Variants in KAZN observed in about 807,000 individuals in gnomAD.
KAZN encodes kazrin, periplakin interacting protein, also known as kazrin.
Under a neutral mutation model 87.4 loss-of-function variants are expected in KAZN, and 40 were observed. That is an observed-to-expected ratio of 0.46 (90% CI 0.36 to 0.60). The LOEUF is 0.60. Among genes scored for constraint, KAZN ranks in the 20% least tolerant of loss-of-function variants. The pLI, the probability that KAZN is intolerant of heterozygous loss-of-function variation, is 0.00. For synonymous variants in KAZN, 466 were observed against 458.3 expected (o/e 1.02, Z -0.22); for missense variants, 898 against 1,073.9 (o/e 0.84, Z 2.29).
At chr1:14,919,084 A>C (rs1658213919) in intron 1 of KAZN, among the ~76,000 whole-genome samples, 1 of 152,196 alleles carries the variant, frequency 6.6e-6, no homozygotes, top group African/African-American at 2.4e-5. Context: ...GAGCAAGTCA[A>C]CTGCAGTGGG....
intron 1 of KAZN, among the ~76,000 whole-genome samples, chr1:14,167,748 G>A (rs1645863735): frequency 7.0e-6 from 1 of 143,068 alleles, no homozygotes; most frequent in Non-Finnish European, 1.5e-5. Context: ...AACAAACAAG[G>A]AAGCACCTGA....
intron 1 of KAZN, among the ~76,000 whole-genome samples, chr1:14,123,140 C>T (rs952964642): frequency 3.9e-5 from 6 of 152,234 alleles, no homozygotes; most frequent in Non-Finnish European, 8.8e-5. Flanking sequence ...AGAGTCTCTT[C>T]CTGCTGGGAC....
intron 2 of KAZN, among the ~76,000 whole-genome samples, chr1:14,407,284 T>C (rs558842067): frequency 3.0e-4 from 46 of 152,312 alleles, no homozygotes; most frequent in African/African-American, 4.8e-4. Flanking sequence ...GGTCATAGGA[T>C]AGACAAGTAT....
chr1:14,629,320 T>C (rs546128676), intron 1 of KAZN, among the ~76,000 whole-genome samples: 106 of 152,344 alleles, frequency 7.0e-4, no homozygotes, highest in African/African-American at 2.5e-3. Context: ...TTTGTGAACA[T>C]CAGTTTGCCA....
At chr1:15,001,696 G>T (rs1359583820) in intron 2 of KAZN, among the ~76,000 whole-genome samples, 1 of 151,904 alleles carries the variant, frequency 6.6e-6, no homozygotes, top group Non-Finnish European at 1.5e-5. Flanking sequence ...TCCTTCAACT[G>T]CTGGAGTGCT....
intron 2 of KAZN, among the ~76,000 whole-genome samples, chr1:14,535,195 A>G (rs1040661505): frequency 6.6e-6 from 1 of 152,212 alleles, no homozygotes; most frequent in African/African-American, 2.4e-5. Flanking sequence ...TCTCACCAGC[A>G]TTACAGGTTC....
rs186764025 is a variant in KAZN, at chr1:14,407,775, G to A, written c.250-191208G>A. Among the ~76,000 whole-genome samples, 183 of 152,008 alleles carry A rather than the reference G, an allele frequency of 1.2e-3. 2 individuals are homozygous for A. The highest frequency in any genetic ancestry group is 3.9e-3 in the African/African-American group (163 of 41,500). ...AAAACCATGTCTTTTTTTTTAAAAAGACAAATATGCACTTGAATGATTACT... is the reference window on the plus strand; with the variant it reads ...AAAACCATGTCTTTTTTTTTAAAAAAACAAATATGCACTTGAATGATTACT... On this transcript the variant is annotated intron_variant, in intron 2 of 16. Transcript: ENST00000636203.
chr1:14,879,742 A>G (rs1257355046), intron 1 of KAZN, among the ~76,000 whole-genome samples: 1 of 152,216 alleles, frequency 6.6e-6, no homozygotes, highest in Admixed American at 6.5e-5. Flanking sequence ...TTGTGTGACT[A>G]TGCGAGAATG....
chr1:14,346,151 G>T (rs1658089833), intron 2 of KAZN, among the ~76,000 whole-genome samples: 1 of 152,166 alleles, frequency 6.6e-6, no homozygotes, highest in South Asian at 2.1e-4. Flanking sequence ...GGCTCACAGT[G>T]ACCCTAGCTG....
chr1:14,928,350 G>A (rs929367214), intron 1 of KAZN, among the ~76,000 whole-genome samples: 59 of 152,094 alleles, frequency 3.9e-4, no homozygotes, highest in African/African-American at 1.4e-3. Flanking sequence ...TTGGGAGGCT[G>A]AGGCAGGAGA....
At chr1:14,982,202 G>A (rs891012653) in intron 2 of KAZN, among the ~76,000 whole-genome samples, 15 of 152,070 alleles carry the variant, frequency 9.9e-5, no homozygotes, top group East Asian at 9.7e-4. Context: ...TGGAGGAGCC[G>A]GGTCAGCACT....
intron 1 of KAZN, among the ~76,000 whole-genome samples, chr1:14,145,391 C>T (rs1198948620): frequency 6.6e-6 from 1 of 152,032 alleles, no homozygotes; most frequent in Non-Finnish European, 1.5e-5. Flanking sequence ...CTGCAGTGAG[C>T]TATGATTGCA....
intron 2 of KAZN, among the ~76,000 whole-genome samples, chr1:14,394,545 A>G (rs903239293): frequency 6.8e-6 from 1 of 146,850 alleles, no homozygotes; most frequent in Admixed American, 6.6e-5. Flanking sequence ...ACGTTATCAC[A>G]TATGACTGTC....
At chr1:14,484,786 T>C (rs1669262296) in intron 2 of KAZN, among the ~76,000 whole-genome samples, 1 of 152,208 alleles carries the variant, frequency 6.6e-6, no homozygotes, top group African/African-American at 2.4e-5. Flanking sequence ...GGGATAACTG[T>C]GTTGATTCAG....
intron 1 of KAZN, among the ~76,000 whole-genome samples, chr1:14,104,205 A>T (rs1386036002): frequency 3.3e-5 from 5 of 152,150 alleles, no homozygotes; most frequent in Admixed American, 2.6e-4. Flanking sequence ...CTGGTGCCAG[A>T]TGCGTCTCTC....
intron 2 of KAZN, among the ~76,000 whole-genome samples, chr1:14,419,903 C>A (rs1571600513): frequency 6.6e-6 from 1 of 152,084 alleles, no homozygotes; most frequent in South Asian, 2.1e-4. Flanking sequence ...GAGCGAGCAA[C>A]AATGGGATTT....
chr1:14,984,876 G>A (rs185801403), intron 2 of KAZN, among the ~76,000 whole-genome samples: 28 of 152,264 alleles, frequency 1.8e-4, no homozygotes, highest in Admixed American at 8.5e-4. Context: ...GGAAAGGAGG[G>A]CCTGTAATCC....
chr1:14,038,810 C>T (rs573908571), intron 1 of KAZN, among the ~76,000 whole-genome samples: 30 of 152,236 alleles, frequency 2.0e-4, no homozygotes, highest in South Asian at 1.0e-3. Flanking sequence ...GGTGTGAATC[C>T]GTTTTTCCAA....
chr1:15,026,844 T>C (rs1671212540), intron 2 of KAZN, among the ~76,000 whole-genome samples: 1 of 152,192 alleles, frequency 6.6e-6, no homozygotes, highest in Non-Finnish European at 1.5e-5. Flanking sequence ...GTATAAAGTA[T>C]TATAGGTAAT....
Sources: gnomAD v4.1 joint callset for allele counts (sites outside exome capture counted in the v4.1 genomes callset) on GRCh38, gnomAD v4.1.1 for gene constraint, MANE v1.5 for transcripts, NCBI Gene and HGNC (gene_info 2026-07-23, HGNC 2026-07-21) for gene names.